CCDC141: variants seen among roughly 807,000 people sequenced by gnomAD.
CCDC141 encodes the protein coiled-coil domain containing 141.
In CCDC141, 168 loss-of-function variants were observed where a neutral mutation model predicts 181.0. That is an observed-to-expected ratio of 0.93 (90% CI 0.82 to 1.05). The LOEUF (loss-of-function observed/expected upper bound fraction) is 1.05, where lower values mean the gene tolerates loss of function less well. Among genes scored for constraint, CCDC141 ranks in the 50% least tolerant of loss-of-function variants. CCDC141 has a pLI of 0.00. For synonymous variants in CCDC141, 666 were observed against 642.3 expected (o/e 1.04, Z -0.56); for missense variants, 1,902 against 1,788.5 (o/e 1.06, Z -1.14).
chr2:179,027,183 CAT>C (rs2042871048), intron 2 of CCDC141, among the ~76,000 whole-genome samples: 1 of 152,116 alleles, frequency 6.6e-6, no homozygotes, highest in South Asian at 2.1e-4. Flanking sequence ...GGTGAAATGA[CAT>C]GATTTGCTGT....
intron 17 of CCDC141, among the ~76,000 whole-genome samples, chr2:178,860,906 A>G (rs1685585179): frequency 6.6e-6 from 1 of 152,218 alleles, no homozygotes; most frequent in Non-Finnish European, 1.5e-5. Flanking sequence ...TTTTCTGAAC[A>G]TGATAACCAT....
At chr2:178,980,740 A>G (rs1265028958) in intron 2 of CCDC141, among the ~76,000 whole-genome samples, 1 of 152,218 alleles carries the variant, frequency 6.6e-6, no homozygotes. Context: ...TGGAGTAACA[A>G]TGTGAAGTGA....
chr2:178,937,812 G>A (rs1689351504), intron 6 of CCDC141, among the ~76,000 whole-genome samples: 1 of 152,016 alleles, frequency 6.6e-6, no homozygotes, highest in Non-Finnish European at 1.5e-5. Context: ...GGAGGTATAT[G>A]TGTCTAGAAT....
chr2:179,031,410 TGA>T (rs2042997618), intron 2 of CCDC141, among the ~76,000 whole-genome samples: 1 of 152,008 alleles, frequency 6.6e-6, no homozygotes, highest in African/African-American at 2.4e-5. Context: ...TCAGTCTGGC[TGA>T]GAAAGCATTT....
At chr2:178,995,938 C>T (rs1692267619) in intron 2 of CCDC141, among the ~76,000 whole-genome samples, 1 of 152,022 alleles carries the variant, frequency 6.6e-6, no homozygotes, top group Admixed American at 6.6e-5. Flanking sequence ...AATAGGTTAA[C>T]CTGGCCTCAA....
chr2:179,009,401 G>A (rs2154384225), intron 2 of CCDC141, among the ~76,000 whole-genome samples: 1 of 152,262 alleles, frequency 6.6e-6, no homozygotes, highest in Non-Finnish European at 1.5e-5. Context: ...CTCTCTCAGA[G>A]GGAAGGTCTA....
chr2:178,958,720 T>G (rs79218463), intron 5 of CCDC141, among the ~76,000 whole-genome samples: 31 of 145,984 alleles, frequency 2.1e-4, no homozygotes, highest in African/African-American at 3.8e-4. Context: ...CCCTTTTTTT[T>G]GTTTTTTTTA....
intron 20 of CCDC141, among the ~76,000 whole-genome samples, chr2:178,851,720 A>T (rs1232493387): frequency 1.3e-5 from 2 of 152,232 alleles, no homozygotes; most frequent in African/African-American, 4.8e-5. Context: ...AAACAAGCAC[A>T]AACATTTTAT....
chr2:178,989,959 GAGAAA>G (rs961372987), intron 2 of CCDC141, among the ~76,000 whole-genome samples: 1 of 151,234 alleles, frequency 6.6e-6, no homozygotes, highest in African/African-American at 2.4e-5. Context: ...GACCAACATG[GAGAAA>G]CCCCATCTCT....
intron 6 of CCDC141, among the ~76,000 whole-genome samples, chr2:178,936,265 T>C: frequency 6.6e-6 from 1 of 152,156 alleles, no homozygotes; most frequent in East Asian, 1.9e-4. Flanking sequence ...CCATCTTGAG[T>C]TGATTTTTGC....
intron 4 of CCDC141, among the ~76,000 whole-genome samples, chr2:178,970,808 G>T (rs1401758182): frequency 1.3e-5 from 2 of 152,220 alleles, no homozygotes. Flanking sequence ...CACAGCAAAA[G>T]AAACTATCAT....
At chr2:179,023,730 T>A (rs2154386018) in intron 2 of CCDC141, among the ~76,000 whole-genome samples, 1 of 152,242 alleles carries the variant, frequency 6.6e-6, no homozygotes, top group South Asian at 2.1e-4. Flanking sequence ...TATGTAAAAA[T>A]ATAAGCAAAC....
At chr2:178,817,745 C>G in the CCDC141 span, 1 of 309,706 alleles carries the variant, frequency 3.2e-6, no homozygotes, top group East Asian at 7.8e-5. Flanking sequence ...TTCTCTTTTT[C>G]TTTATCTCTT....
intron 6 of CCDC141, among the ~76,000 whole-genome samples, chr2:178,942,857 C>T (rs1342977676): frequency 6.6e-6 from 1 of 152,184 alleles, no homozygotes; most frequent in East Asian, 1.9e-4. Context: ...TTTTTACATC[C>T]CTTATACCTG....
intron 2 of CCDC141, among the ~76,000 whole-genome samples, chr2:179,018,857 AAAGGT>A (rs1349036292): frequency 6.6e-6 from 1 of 152,216 alleles, no homozygotes; most frequent in African/African-American, 2.4e-5. Context: ...AGTTAGTGAA[AAAGGT>A]AAGTAGCAAA....
chr2:178,952,109 A>G (rs1689974316), intron 5 of CCDC141, among the ~76,000 whole-genome samples: 1 of 152,248 alleles, frequency 6.6e-6, no homozygotes. Context: ...GCTAAAACTG[A>G]TCTTTTGAGT....
chr2:178,966,538 G>A (rs1436661516), intron 4 of CCDC141, among the ~76,000 whole-genome samples: 1 of 152,202 alleles, frequency 6.6e-6, no homozygotes, highest in Non-Finnish European at 1.5e-5. Flanking sequence ...CTGACTGTCA[G>A]AAGGAAAACT....
chr2:178,904,721 T>C (rs1007106819), intron 8 of CCDC141, among the ~76,000 whole-genome samples: 23 of 152,208 alleles, frequency 1.5e-4, no homozygotes, highest in African/African-American at 4.1e-4. Flanking sequence ...ATTCTCTCTC[T>C]GTTTCTCAAG....
chr2:179,021,819 T>G (rs909723440), intron 2 of CCDC141, among the ~76,000 whole-genome samples: 1 of 152,200 alleles, frequency 6.6e-6, no homozygotes, highest in Non-Finnish European at 1.5e-5. Flanking sequence ...CAGCTACAAC[T>G]TAGTCCCTTT....
Sources: gnomAD v4.1 joint callset for allele counts (sites outside exome capture counted in the v4.1 genomes callset) on GRCh38, gnomAD v4.1.1 for gene constraint, MANE v1.5 for transcripts, NCBI Gene and HGNC (gene_info 2026-07-23, HGNC 2026-07-21) for gene names.